CTCF: variants seen among roughly 807,000 people sequenced by gnomAD.
The protein encoded by CTCF is transcriptional repressor CTCF.
Under a neutral mutation model 72.3 loss-of-function variants are expected in CTCF, and 7 were observed. The observed-to-expected ratio is 0.10, with a 90% CI of 0.06 to 0.18. The LOEUF (loss-of-function observed/expected upper bound fraction) is 0.18. CTCF is among the 10% of genes least tolerant of loss of function. CTCF has a pLI of 1.00. For missense variants in CTCF, 516 were observed against 949.1 expected, an observed-to-expected ratio of 0.54 and a Z score of 6.00; for synonymous variants, 374 against 315.8, an observed-to-expected ratio of 1.18 and a Z score of -1.95.
At chr16:67,596,256 G>T (rs879409397) in intron 2 of CTCF, among the ~76,000 whole-genome samples, 1 of 152,066 alleles carries the variant, frequency 6.6e-6, no homozygotes, top group East Asian at 1.9e-4. Context: ...CCAGTCTGGG[G>T]AGTATCTTTC....
chr16:67,634,292 C>T (rs868066803), intron 10 of CTCF, among the ~76,000 whole-genome samples: 22 of 152,030 alleles, frequency 1.4e-4, no homozygotes, highest in Admixed American at 3.3e-4. Flanking sequence ...ACTGCAACCT[C>T]CGCCTCCCAG....
At chr16:67,618,908 A>G (rs2052166552) in intron 5 of CTCF, among the ~76,000 whole-genome samples, 1 of 152,246 alleles carries the variant, frequency 6.6e-6, no homozygotes, top group Non-Finnish European at 1.5e-5. Flanking sequence ...ATAAATATGA[A>G]TGGCTAAGAA....
At chr16:67,618,021 T>G (rs1337108549) in intron 5 of CTCF, among the ~76,000 whole-genome samples, 3 of 152,202 alleles carry the variant, frequency 2.0e-5, no homozygotes, top group Admixed American at 6.5e-5. Context: ...CCATATTATT[T>G]CTGTAGATGG....
At chr16:67,630,770 G>A (rs1451934045) in intron 10 of CTCF, among the ~76,000 whole-genome samples, 1 of 152,020 alleles carries the variant, frequency 6.6e-6, no homozygotes, top group African/African-American at 2.4e-5. Flanking sequence ...AAAACAAAAA[G>A]TGCCAAGCCT....
chr16:67,612,287 A>G (rs1025283556), intron 4 of CTCF, 166 bp downstream of exon 4: 1 of 576,610 alleles, frequency 1.7e-6, no homozygotes, highest in Non-Finnish European at 2.9e-6. Context: ...CTTAGTTATT[A>G]TAGACAAATG....
intron 10 of CTCF, among the ~76,000 whole-genome samples, chr16:67,632,255 A>G (rs2052375751): frequency 6.6e-6 from 1 of 152,184 alleles, no homozygotes; most frequent in African/African-American, 2.4e-5. Context: ...CTTTCTCCTG[A>G]TACTGCCTTG....
At chr16:67,605,834 G>A (rs759203168) in intron 2 of CTCF, among the ~76,000 whole-genome samples, 3 of 152,196 alleles carry the variant, frequency 2.0e-5, no homozygotes, top group Non-Finnish European at 4.4e-5. Flanking sequence ...ACAGGGAGAT[G>A]ACAGTAGGAA....
chr16:67,570,080 T>A (rs1597675167), intron 1 of CTCF, among the ~76,000 whole-genome samples: 1 of 151,000 alleles, frequency 6.6e-6, no homozygotes, highest in Non-Finnish European at 1.5e-5. Context: ...GAATTAATTT[T>A]TTTTTTTTTT....
At chr16:67,622,689 G>GC (rs1428254538) in intron 7 of CTCF, among the ~76,000 whole-genome samples, 1 of 149,798 alleles carries the variant, frequency 6.7e-6, no homozygotes, top group East Asian at 1.9e-4. Flanking sequence ...CGTCACCCAG[G>GC]CTGGAGTATG....
intron 7 of CTCF, among the ~76,000 whole-genome samples, chr16:67,623,146 G>A (rs796358898): frequency 3.7e-4 from 56 of 151,446 alleles, no homozygotes; most frequent in African/African-American, 1.2e-3. Flanking sequence ...AGTAGAGACA[G>A]GGTTTCACCA....
rs1050559943 is a variant in CTCF at position 67,638,805 on chromosome 16, C to T, written c.*933C>T. 9.4e-5 allele frequency: 20 copies of T among 213,518 alleles called. No homozygotes were observed. Among genetic ancestry groups the T allele is most frequent in the African/African-American group, 4.3e-4 (19 of 44,240 alleles). 13.2% of individuals were successfully genotyped at this position (213,518 alleles called of 1,614,324 possible). A position where few individuals can be genotyped will look rare whatever the true frequency, so the allele number is the denominator to read the frequency against. ...AGTGGTTCACAGCAGCCCTTATAAG[C>T]TGGGCCAGAAAATTTCACTAGGTCA... On this transcript the variant is annotated 3_prime_UTR_variant, in exon 12 of 12. Transcript: ENST00000264010.
intron 2 of CTCF, among the ~76,000 whole-genome samples, chr16:67,590,885 C>T (rs1025064692): frequency 2.1e-5 from 3 of 145,978 alleles, no homozygotes; most frequent in Non-Finnish European, 3.0e-5. Context: ...CGCTTGAACC[C>T]GGGAGGTGGA....
chr16:67,594,278 GGAGGCT>G (rs1428130580), intron 2 of CTCF, among the ~76,000 whole-genome samples: 1 of 151,758 alleles, frequency 6.6e-6, no homozygotes, highest in Non-Finnish European at 1.5e-5. Context: ...CAGCTACTTG[GGAGGCT>G]GAGGTAGGAG....
At chr16:67,600,530 T>A (rs936990999) in intron 2 of CTCF, among the ~76,000 whole-genome samples, 2 of 152,072 alleles carry the variant, frequency 1.3e-5, no homozygotes, top group Non-Finnish European at 2.9e-5. Context: ...ATGCCTAGCC[T>A]GGCTAATGTG....
At chr16:67,591,648 G>C (rs777036147) in intron 2 of CTCF, among the ~76,000 whole-genome samples, 5 of 151,918 alleles carry the variant, frequency 3.3e-5, no homozygotes, top group Admixed American at 6.6e-5. Flanking sequence ...TATTCGTTTT[G>C]GCTAGTGTCC....
At chr16:67,610,386 T>C (rs1427653713) in intron 2 of CTCF, among the ~76,000 whole-genome samples, 2 of 147,192 alleles carry the variant, frequency 1.4e-5, no homozygotes, top group Non-Finnish European at 3.0e-5. Context: ...GGAGTCTTGC[T>C]CTGTCCCCCA....
intron 2 of CTCF, among the ~76,000 whole-genome samples, chr16:67,575,131 C>T (rs1432259524): frequency 1.3e-5 from 2 of 152,070 alleles, no homozygotes; most frequent in East Asian, 3.8e-4. Context: ...TGCCTGTAGT[C>T]CTAGCTATTC....
intron 2 of CTCF, among the ~76,000 whole-genome samples, chr16:67,589,706 C>G (rs997217627): frequency 6.6e-6 from 1 of 152,162 alleles, no homozygotes; most frequent in Non-Finnish European, 1.5e-5. Context: ...AAGACTACCC[C>G]TAGTACATAT....
At chr16:67,596,647 C>T (rs916638171) in intron 2 of CTCF, among the ~76,000 whole-genome samples, 5 of 151,878 alleles carry the variant, frequency 3.3e-5, no homozygotes, top group East Asian at 1.9e-4. Flanking sequence ...TGCAGTGGCA[C>T]GATCTCGGCT....
Sources: gnomAD v4.1 joint callset for allele counts (sites outside exome capture counted in the v4.1 genomes callset) on GRCh38, gnomAD v4.1.1 for gene constraint, MANE v1.5 for transcripts, NCBI Gene and HGNC (gene_info 2026-07-23, HGNC 2026-07-21) for gene names.